MYO6: variants seen among roughly 807,000 people sequenced by gnomAD.
MYO6 encodes the protein myosin VI.
A neutral mutation model predicts 178.7 loss-of-function variants in MYO6; 74 were observed. The observed-to-expected ratio is 0.41, with a 90% CI of 0.34 to 0.50. The LOEUF is 0.50. MYO6 is among the 20% of genes least tolerant of loss of function. The probability of loss-of-function intolerance (pLI) is 0.09; values close to 1 mark genes in which losing one functional copy is unlikely to be tolerated. For missense variants in MYO6, 1,330 were observed against 1,547.4 expected (o/e 0.86, Z 2.36); for synonymous variants, 477 against 504.6 (o/e 0.95, Z 0.73).
At chr6:75,813,054 A>G (rs1583164774) in intron 1 of MYO6, among the ~76,000 whole-genome samples, 1 of 152,178 alleles carries the variant, frequency 6.6e-6, no homozygotes, top group East Asian at 1.9e-4. Flanking sequence ...AAATGGTTTT[A>G]CAATTATAGT....
intron 9 of MYO6, among the ~76,000 whole-genome samples, chr6:75,841,885 G>C (rs76885274): frequency 0.013 from 1,924 of 152,224 alleles, 43 homozygotes; most frequent in African/African-American, 0.044. Context: ...GTATAACACT[G>C]TATGAGGAGG....
intron 1 of MYO6, among the ~76,000 whole-genome samples, chr6:75,811,305 T>G (rs1225271616): frequency 6.6e-6 from 1 of 152,250 alleles, no homozygotes; most frequent in Non-Finnish European, 1.5e-5. Context: ...TTGGTTTTCA[T>G]ATTTTCGAAT....
At chr6:75,782,399 A>AT (rs1258479329) in intron 1 of MYO6, among the ~76,000 whole-genome samples, 1 of 151,810 alleles carries the variant, frequency 6.6e-6, no homozygotes, top group African/African-American at 2.4e-5. Context: ...CTTCCACATA[A>AT]TTTTTTAATT....
At chr6:75,814,927 A>G (rs1771070246) in intron 1 of MYO6, among the ~76,000 whole-genome samples, 1 of 152,030 alleles carries the variant, frequency 6.6e-6, no homozygotes, top group African/African-American at 2.4e-5. Context: ...CTCTTCCAAA[A>G]CTGTGTGAAC....
rs1781298020 is a variant in MYO6 at position 75,919,170 on chromosome 6, A to G, written c.*4158A>G. 6.6e-6 allele frequency: 1 copy of G among 152,190 alleles called. No individual in the cohort carries two copies. The highest frequency in any genetic ancestry group is 1.5e-5 in the Non-Finnish European group (1 of 68,058). The allele number at this position is 152,190 out of a possible 1,614,324, so 9.4% of individuals were successfully genotyped here. ...ACAAGTGCAGTTTTGTTACATGGGT[A>G]TATTGCATAGTGGTAAAATGTGGGC... is the stretch of plus-strand genomic sequence containing the variant. On this transcript the variant is annotated 3_prime_UTR_variant, in exon 35 of 35. Transcript: ENST00000369977.
intron 25 of MYO6, among the ~76,000 whole-genome samples, chr6:75,887,508 G>A (rs912178964): frequency 2.6e-5 from 4 of 151,814 alleles, no homozygotes; most frequent in African/African-American, 7.3e-5. Flanking sequence ...GGGTGTGGTG[G>A]CGTGCACCTG....
chr6:75,843,861 TATTA>T (rs1036252563), intron 9 of MYO6, among the ~76,000 whole-genome samples: 3 of 152,284 alleles, frequency 2.0e-5, no homozygotes, highest in South Asian at 2.1e-4. Context: ...TTGTCTAAAA[TATTA>T]ATTTATCCCC....
intron 1 of MYO6, among the ~76,000 whole-genome samples, chr6:75,803,715 A>G (rs543718016): frequency 6.6e-6 from 1 of 152,306 alleles, no homozygotes; most frequent in East Asian, 1.9e-4. Context: ...GGACTTAGTG[A>G]TGGGTCTTTT....
intron 3 of MYO6, 33 bp downstream of exon 3, chr6:75,822,884 CAGAAA>C: frequency 6.6e-7 from 1 of 1,504,648 alleles, no homozygotes; most frequent in African/African-American, 1.4e-5. Context: ...ACTCTCCGCA[CAGAAA>C]AGGAGACTGT....
chr6:75,877,665 T>G (rs992431181), intron 20 of MYO6, among the ~76,000 whole-genome samples: 7 of 151,918 alleles, frequency 4.6e-5, no homozygotes, highest in Non-Finnish European at 8.8e-5. Flanking sequence ...CTGTGCTGCC[T>G]GTCTTGTAGC....
chr6:75,868,137 G>T (rs1283753367), intron 18 of MYO6, among the ~76,000 whole-genome samples: 2 of 151,790 alleles, frequency 1.3e-5, no homozygotes, highest in Non-Finnish European at 2.9e-5. Context: ...ATTGAAATGG[G>T]CTCTAAATAA....
rs876657653 is a variant in MYO6 at position 75,890,237 on chromosome 6, C to A, written c.2839C>A (p.Arg947=). 1.9e-6 allele frequency: 3 copies of A among 1,612,314 alleles called. No individual in the cohort carries two copies. The highest frequency in any genetic ancestry group is 1.1e-5 in the South Asian group (1 of 90,990). ...RKRREEDEKR[R]RKEEEERRMK... Reference sequence around the variant, plus strand: ...AAGACGTGAAGAAGACGAAAAACGTCGAAGAAAGGAAGAGGAGGAAAGGCG... The same window carrying A: ...AAGACGTGAAGAAGACGAAAAACGTAGAAGAAAGGAAGAGGAGGAAAGGCG... The change falls in exon 26 of 35, where the codon CGA becomes AGA. Residue 947 remains arginine (R), a synonymous_variant. Transcript: ENST00000369977.
intron 1 of MYO6, among the ~76,000 whole-genome samples, chr6:75,763,685 T>C (rs954011631): frequency 6.6e-6 from 1 of 152,204 alleles, no homozygotes; most frequent in African/African-American, 2.4e-5. Context: ...AGGTTCAATA[T>C]GTAACACAAT....
intron 29 of MYO6, among the ~76,000 whole-genome samples, chr6:75,897,182 A>G (rs1442052272): frequency 6.6e-6 from 1 of 152,220 alleles, no homozygotes; most frequent in African/African-American, 2.4e-5. Flanking sequence ...GGAGAAAAAG[A>G]TGGTAAAAAC....
At chr6:75,889,767 T>C (rs892055944) in intron 25 of MYO6, among the ~76,000 whole-genome samples, 1 of 152,210 alleles carries the variant, frequency 6.6e-6, no homozygotes, top group South Asian at 2.1e-4. Flanking sequence ...ACCTGTCTAA[T>C]TGATGTGTAA....
chr6:75,874,406 G>C (rs937687019), intron 20 of MYO6, among the ~76,000 whole-genome samples: 2 of 152,196 alleles, frequency 1.3e-5, no homozygotes, highest in African/African-American at 2.4e-5. Context: ...AGCATGTTCT[G>C]TTTCTCATCA....
intron 1 of MYO6, among the ~76,000 whole-genome samples, chr6:75,766,456 G>A (rs1778429156): frequency 6.6e-6 from 1 of 151,956 alleles, no homozygotes; most frequent in South Asian, 2.1e-4. Flanking sequence ...ATAAAGGAAA[G>A]TTATTAAATT....
At chr6:75,766,736 A>G (rs1419284770) in intron 1 of MYO6, among the ~76,000 whole-genome samples, 1 of 152,158 alleles carries the variant, frequency 6.6e-6, no homozygotes. Context: ...TCTTCTTTCA[A>G]TTTATGTGTT....
At chr6:75,887,333 G>A (rs1346475045) in intron 25 of MYO6, among the ~76,000 whole-genome samples, 1 of 152,114 alleles carries the variant, frequency 6.6e-6, no homozygotes, top group African/African-American at 2.4e-5. Flanking sequence ...TCCTGCACGT[G>A]CATCCCTGAA....
Sources: allele counts gnomAD v4.1 joint callset (sites outside exome capture counted in the v4.1 genomes callset), GRCh38; gene constraint gnomAD v4.1.1; transcripts MANE v1.5; gene names NCBI Gene and HGNC (gene_info 2026-07-23, HGNC 2026-07-21).